Variants in TMEM117 observed in about 807,000 individuals in gnomAD.
The protein encoded by TMEM117 is transmembrane protein 117.
TMEM117 carries 27 observed loss-of-function variants against 52.4 expected under a neutral mutation model. The ratio of observed to expected loss-of-function variants is 0.51; its 90% CI spans 0.38 to 0.71. TMEM117 has a LOEUF of 0.71. TMEM117 is among the 30% of genes least tolerant of loss of function. The probability of loss-of-function intolerance (pLI) is 0.00; values close to 1 mark genes in which losing one functional copy is unlikely to be tolerated. For synonymous variants in TMEM117, 215 were observed against 206.3 expected (o/e 1.04, Z -0.36); for missense variants, 556 against 630.5 (o/e 0.88, Z 1.26).
At chr12:44,110,249 A>C (rs2138104306) in intron 3 of TMEM117, among the ~76,000 whole-genome samples, 1 of 150,374 alleles carries the variant, frequency 6.7e-6, no homozygotes, top group African/African-American at 2.5e-5. Context: ...ACTATGTTGA[A>C]TAGGAGCAGT....
chr12:44,192,759 T>G (rs1287255845), intron 4 of TMEM117, among the ~76,000 whole-genome samples: 1 of 152,226 alleles, frequency 6.6e-6, no homozygotes, highest in Non-Finnish European at 1.5e-5. Flanking sequence ...TTGTATTTAA[T>G]CTGCATCCTG....
rs188406917 is a variant in TMEM117, at chr12:44,152,211, A to C, written c.510+8587A>C. 6.0e-3 allele frequency among the ~76,000 whole-genome samples: 654 copies of C among 108,802 alleles called. 3 individuals carry two copies. Among genetic ancestry groups the C allele is most frequent in the Non-Finnish European group, 9.4e-3 (569 of 60,830 alleles). 71.4% of individuals were successfully genotyped at this position (108,802 alleles called of 152,430 possible). ...AATATATATAAATATAATTATATTT[A>C]TATTATATATTATAAATATAATTAT... On this transcript the variant is annotated intron_variant, in intron 4 of 7. Coordinates refer to ENST00000266534, the MANE Select transcript of TMEM117 (RefSeq NM_032256.3).
intron 1 of TMEM117, among the ~76,000 whole-genome samples, chr12:43,838,673 C>G (rs1943071402): frequency 6.7e-6 from 1 of 148,500 alleles, no homozygotes; most frequent in Admixed American, 6.9e-5. Flanking sequence ...AGTACTTACT[C>G]TTACTTCCTT....
At position 44,200,035 on chromosome 12, in the gene TMEM117, C is replaced by T. The variant is rs2431068; in HGVS notation, c.511-11255C>T. Among the ~76,000 whole-genome samples, 614 of 152,266 alleles carry T rather than the reference C, an allele frequency of 4.0e-3. 2 individuals are homozygous for T. The highest frequency in any genetic ancestry group is 6.2e-3 in the Non-Finnish European group (421 of 68,014). On this transcript the variant is annotated intron_variant, in intron 4 of 7. Transcript: ENST00000266534. ...CAGGAGGCTGAGAGAGGAGAATCGG[C>T]TTGAACCCTGGAGATGGAGGTTGCA...
chr12:44,289,018 T>A (rs1014793174), intron 5 of TMEM117, among the ~76,000 whole-genome samples: 1 of 152,122 alleles, frequency 6.6e-6, no homozygotes, highest in Admixed American at 6.6e-5. Flanking sequence ...ATCTCCCAAT[T>A]TTCCCCACTC....
Position 44,299,699 on chromosome 12 carries a change from C to T in TMEM117, c.728C>T (p.Ala243Val), listed in dbSNP as rs774871637. 3 of 1,614,000 alleles carry T rather than the reference C, an allele frequency of 1.9e-6. No homozygotes were observed. The highest frequency in any genetic ancestry group is 2.5e-6 in the Non-Finnish European group (3 of 1,180,010). ...PSDEVSRAFL[A>V]SFILVFDLLI... The stretch of plus-strand genomic sequence containing the variant: ...GATGAAGTTTCCAGAGCATTCCTTG[C>T]TTCTTTTATCTTGGTCTTTGACCTT... The change falls in exon 6 of 8, where the codon GCT becomes GTT. Residue 243 changes from alanine (A) to valine (V), a missense_variant. Physicochemically the swap from Ala to Val is moderately conservative, Grantham distance 64. Transcript: ENST00000266534.
At chr12:44,237,606 A>G (rs765442121) in intron 5 of TMEM117, among the ~76,000 whole-genome samples, 1 of 152,010 alleles carries the variant, frequency 6.6e-6, no homozygotes, top group African/African-American at 2.4e-5. Context: ...AATCCCCGCT[A>G]CTTGGGAGGC....
At chr12:44,070,130 A>T (rs1947279822) in intron 3 of TMEM117, among the ~76,000 whole-genome samples, 1 of 152,168 alleles carries the variant, frequency 6.6e-6, no homozygotes, top group South Asian at 2.1e-4. Flanking sequence ...GACTCAAGTG[A>T]TCCACCTACC....
chr12:44,390,280 A>G (rs1206531807), downstream of TMEM117, among the ~76,000 whole-genome samples: 2 of 151,930 alleles, frequency 1.3e-5, no homozygotes, highest in African/African-American at 2.4e-5. Flanking sequence ...CATACTATCT[A>G]AAGGAACTTA....
intron 5 of TMEM117, among the ~76,000 whole-genome samples, chr12:44,262,774 A>G (rs1448053559): frequency 6.6e-6 from 1 of 152,182 alleles, no homozygotes; most frequent in Non-Finnish European, 1.5e-5. Flanking sequence ...TTTTTAGTAG[A>G]GATGGGGTTT....
At chr12:44,066,798 G>A (rs1947227752) in intron 3 of TMEM117, among the ~76,000 whole-genome samples, 2 of 152,166 alleles carry the variant, frequency 1.3e-5, no homozygotes, top group Admixed American at 1.3e-4. Flanking sequence ...TGAAGGTTGA[G>A]GGAGCTATGG....
rs569461601 is a variant in TMEM117 at position 43,945,042 on chromosome 12, C to T, written c.410+700C>T. Among the ~76,000 whole-genome samples, 17 of 151,880 alleles carry T rather than the reference C, an allele frequency of 1.1e-4. No individual in the cohort carries two copies. The East Asian group carries it at 2.5e-3, about 23-fold the overall frequency. ...AGGAGAATTGCTTGAACCCAGGAAG[C>T]GGAGGTTGCAGTGAGCCAAGATCGT... On this transcript the variant is annotated intron_variant, in intron 3 of 7. Coordinates refer to ENST00000266534, the MANE Select transcript of TMEM117 (RefSeq NM_032256.3).
intron 2 of TMEM117, among the ~76,000 whole-genome samples, chr12:43,892,289 T>C (rs1045276763): frequency 5.3e-5 from 8 of 152,174 alleles, no homozygotes; most frequent in Non-Finnish European, 1.2e-4. Flanking sequence ...CAGCAAGGGA[T>C]TGTGACAACA....
chr12:43,927,484 G>T (rs936313224), intron 2 of TMEM117, among the ~76,000 whole-genome samples: 3 of 151,132 alleles, frequency 2.0e-5, no homozygotes, highest in East Asian at 3.9e-4. Flanking sequence ...TATTAAATGA[G>T]AGAGGAATGC....
intron 4 of TMEM117, among the ~76,000 whole-genome samples, chr12:44,172,801 T>A (rs1245759687): frequency 6.6e-6 from 1 of 152,212 alleles, no homozygotes; most frequent in African/African-American, 2.4e-5. Flanking sequence ...CTCAGCTCAC[T>A]GCAACCTCTG....
chr12:44,161,401 T>A (rs1452987988), intron 4 of TMEM117, among the ~76,000 whole-genome samples: 1 of 152,220 alleles, frequency 6.6e-6, no homozygotes, highest in Non-Finnish European at 1.5e-5. Context: ...GATCCCTACA[T>A]CCTTGTAAGT....
intron 3 of TMEM117, among the ~76,000 whole-genome samples, chr12:44,022,210 G>A (rs1466912754): frequency 6.6e-6 from 1 of 152,184 alleles, no homozygotes; most frequent in Non-Finnish European, 1.5e-5. Context: ...CTCATTAGCT[G>A]TGTGAACTTA....
intron 4 of TMEM117, among the ~76,000 whole-genome samples, chr12:44,181,421 C>T (rs1176259698): frequency 6.6e-6 from 1 of 151,618 alleles, no homozygotes; most frequent in Non-Finnish European, 1.5e-5. Flanking sequence ...GACATGAAGT[C>T]CTTGCCCATG....
At chr12:44,268,874 C>T (rs1950412727) in intron 5 of TMEM117, among the ~76,000 whole-genome samples, 2 of 152,134 alleles carry the variant, frequency 1.3e-5, no homozygotes, top group Non-Finnish European at 2.9e-5. Context: ...TCTGTTGTTT[C>T]CCTCCCAGAT....
Sources: gnomAD v4.1 joint callset for allele counts (sites outside exome capture counted in the v4.1 genomes callset) on GRCh38, gnomAD v4.1.1 for gene constraint, MANE v1.5 for transcripts, NCBI Gene and HGNC (gene_info 2026-07-23, HGNC 2026-07-21) for gene names.